Variants in KIFC3 observed in about 807,000 individuals in gnomAD.
KIFC3 encodes the protein kinesin family member C3.
Under a neutral mutation model 101.8 loss-of-function variants are expected in KIFC3, and 60 were observed. The ratio of observed to expected loss-of-function variants is 0.59; its 90% confidence interval spans 0.48 to 0.73. The LOEUF (loss-of-function observed/expected upper bound fraction) is 0.73. KIFC3 is among the 30% of genes least tolerant of loss of function. KIFC3 has a pLI of 0.00. For synonymous variants in KIFC3, 476 were observed against 482.7 expected, an observed-to-expected ratio of 0.99 and a Z score of 0.18; for missense variants, 966 against 1,137.1, an observed-to-expected ratio of 0.85 and a Z score of 2.16.
chr16:57,795,888 T>TTG (rs539958940), intron 2 of KIFC3, among the ~76,000 whole-genome samples: 4,586 of 52,872 alleles, frequency 0.087, 191 homozygotes, highest in Non-Finnish European at 0.13. Flanking sequence ...TTTTTTGTTT[T>TTG]TTTTTTTTTT....
intron 12 of KIFC3, among the ~76,000 whole-genome samples, chr16:57,763,143 C>T (rs1398612047): frequency 6.6e-6 from 1 of 152,140 alleles, no homozygotes; most frequent in Non-Finnish European, 1.5e-5. Context: ...CCAGGTTGGC[C>T]CTGTGGGGAG....
At position 57,758,780 on chromosome 16, in the gene KIFC3, CAGA is replaced by C. The variant is rs782355901; in HGVS notation, c.*151_*153del. On this transcript the variant is annotated 3_prime_UTR_variant, in exon 20 of 20. Coordinates refer to ENST00000445690, the MANE Select transcript of KIFC3 (RefSeq NM_001130100.2). ...TTCTCATCTTTGAGGGGAGACGGGG[CAGA>C]AGAAGAGCCTCCACTCTCGCCTCTA... 2.3e-5 allele frequency: 27 copies of C among 1,180,560 alleles called. No individual in the cohort carries two copies. The highest frequency in any genetic ancestry group is 7.0e-5 in the East Asian group (3 of 42,944). 73.1% of individuals were successfully genotyped at this position (1,180,560 alleles called of 1,614,324 possible).
At chr16:57,770,467 G>A (rs115700123) in intron 7 of KIFC3, 60 bp downstream of exon 7, 35 of 1,330,012 alleles carry the variant, frequency 2.6e-5, no homozygotes, top group Non-Finnish European at 3.2e-5. Flanking sequence ...CCGATGCATT[G>A]GCCCAAGGGC....
intron 1 of KIFC3, among the ~76,000 whole-genome samples, chr16:57,828,603 C>T (rs2055508169): frequency 6.6e-6 from 1 of 152,220 alleles, no homozygotes; most frequent in Non-Finnish European, 1.5e-5. Context: ...CAGCTCTACC[C>T]TGATGGATCC....
At chr16:57,779,314 G>A (rs2052462849) in intron 3 of KIFC3, 1 of 152,212 alleles carries the variant, frequency 6.6e-6, no homozygotes, top group African/African-American at 2.4e-5. Context: ...TATACTAAGT[G>A]AAATAAGCCA....
At chr16:57,764,772 G>A (rs1044939548) in intron 11 of KIFC3, among the ~76,000 whole-genome samples, 2 of 152,164 alleles carry the variant, frequency 1.3e-5, no homozygotes, top group South Asian at 2.1e-4. Context: ...GGGTATTCCC[G>A]GATGGGGAAG....
chr16:57,820,009 C>T (rs973792255), intron 1 of KIFC3, among the ~76,000 whole-genome samples: 1 of 152,140 alleles, frequency 6.6e-6, no homozygotes, highest in African/African-American at 2.4e-5. Flanking sequence ...GCTGGGATTA[C>T]AGGCGCCAGC....
chr16:57,796,620 T>C (rs1328927188), intron 2 of KIFC3, among the ~76,000 whole-genome samples: 1 of 152,244 alleles, frequency 6.6e-6, no homozygotes, highest in African/African-American at 2.4e-5. Context: ...GGATTTCATC[T>C]GACCTTTGTC....
intron 1 of KIFC3, among the ~76,000 whole-genome samples, chr16:57,837,656 G>C (rs1175122067): frequency 6.6e-6 from 1 of 152,094 alleles, no homozygotes; most frequent in Non-Finnish European, 1.5e-5. Context: ...CATTTGTTCT[G>C]GGCAGGTGTG....
chr16:57,797,817 T>C (rs1352276598), intron 2 of KIFC3: 2 of 1,404,578 alleles, frequency 1.4e-6, no homozygotes, highest in Non-Finnish European at 1.8e-6. Flanking sequence ...TGATTCCCCC[T>C]GCTCTGTGCC....
chr16:57,788,001 G>A (rs1257739692), intron 3 of KIFC3, among the ~76,000 whole-genome samples: 1 of 152,222 alleles, frequency 6.6e-6, no homozygotes, highest in Non-Finnish European at 1.5e-5. Flanking sequence ...CGCTTACTGC[G>A]AGGGACCCCC....
At chr16:57,781,048 T>A (rs1167275275) in intron 3 of KIFC3, among the ~76,000 whole-genome samples, 1 of 152,058 alleles carries the variant, frequency 6.6e-6, no homozygotes, top group East Asian at 1.9e-4. Flanking sequence ...CCGGTCACAG[T>A]GGCTCATGCC....
intron 1 of KIFC3, among the ~76,000 whole-genome samples, chr16:57,822,737 A>G (rs2055378399): frequency 6.6e-6 from 1 of 152,084 alleles, no homozygotes; most frequent in African/African-American, 2.4e-5. Flanking sequence ...AAATAAATAA[A>G]ATGCCAGTGT....
intron 16 of KIFC3, 115 bp downstream of exon 16, chr16:57,760,611 G>T: frequency 1.8e-6 from 2 of 1,097,592 alleles, no homozygotes; most frequent in Non-Finnish European, 1.3e-6. Flanking sequence ...CAGGGTGTGT[G>T]TGGCCAGGTC....
chr16:57,777,328 A>G (rs2052219003), intron 3 of KIFC3, among the ~76,000 whole-genome samples: 1 of 152,256 alleles, frequency 6.6e-6, no homozygotes, highest in African/African-American at 2.4e-5. Context: ...GACATTTTCT[A>G]AAGAAATAGA....
intron 3 of KIFC3, chr16:57,776,216 C>T: frequency 1.0e-6 from 1 of 985,526 alleles, no homozygotes; most frequent in Non-Finnish European, 1.2e-6. Context: ...CTGGGAAGGC[C>T]AGAGGGTCTG....
In KIFC3 at chr16:57,761,395, G is replaced by C; in HGVS notation, c.1872+18C>G. 1 of 1,613,812 alleles carries C rather than the reference G, an allele frequency of 6.2e-7. No homozygotes were observed. Among genetic ancestry groups the C allele is most frequent in the South Asian group, 1.1e-5 (1 of 91,064 alleles). ...TCTAGAGCAGTGTGGCTGTGGTCAG[G>C]GGCTCCCGCCTCCACACCTTGTTGA... is the stretch of plus-strand genomic sequence containing the variant. On this transcript the variant is annotated intron_variant, in intron 14 of 19. Transcript: ENST00000445690.
chr16:57,775,756 G>C (rs1462968215), intron 3 of KIFC3: 7 of 985,508 alleles, frequency 7.1e-6, no homozygotes, highest in Non-Finnish European at 8.4e-6. Context: ...CTGAGCCCAA[G>C]ACACAGGACG....
intron 1 of KIFC3, among the ~76,000 whole-genome samples, chr16:57,829,022 G>A (rs1361710073): frequency 1.3e-5 from 2 of 152,004 alleles, no homozygotes; most frequent in African/African-American, 4.8e-5. Context: ...CCAAACACTA[G>A]GCCAACTTCC....
Sources: gnomAD v4.1 joint callset for allele counts (sites outside exome capture counted in the v4.1 genomes callset) on GRCh38, gnomAD v4.1.1 for gene constraint, MANE v1.5 for transcripts, NCBI Gene and HGNC (gene_info 2026-07-23, HGNC 2026-07-21) for gene names.